DCTN6: variants seen among roughly 807,000 people sequenced by gnomAD.
The protein encoded by DCTN6 is dynactin 6.
In DCTN6, 15 loss-of-function variants were observed where a neutral mutation model predicts 25.8. The ratio of observed to expected loss-of-function variants is 0.58; its 90% confidence interval spans 0.39 to 0.89. The LOEUF (loss-of-function observed/expected upper bound fraction) is 0.89. Ranked by LOEUF, DCTN6 falls within the 40% of genes least tolerant of loss-of-function variation. The pLI is 0.00. For missense variants in DCTN6, 198 were observed against 237.6 expected (o/e 0.83, Z 1.09); for synonymous variants, 64 against 78.3 (o/e 0.82, Z 0.96).
At chr8:30,179,197 C>T (rs1234893464) in intron 4 of DCTN6, among the ~76,000 whole-genome samples, 1 of 152,034 alleles carries the variant, frequency 6.6e-6, no homozygotes, top group Admixed American at 6.6e-5. Flanking sequence ...TCTTTAAAAA[C>T]ACAAGTCATT....
chr8:30,164,471 C>T (rs563097661), intron 2 of DCTN6, among the ~76,000 whole-genome samples: 51 of 152,302 alleles, frequency 3.3e-4, no homozygotes, highest in Non-Finnish European at 4.0e-4. Flanking sequence ...GCTAGAGACA[C>T]GTCAGTAAGC....
At chr8:30,169,167 T>C (rs1803726774) in intron 2 of DCTN6, among the ~76,000 whole-genome samples, 1 of 152,200 alleles carries the variant, frequency 6.6e-6, no homozygotes, top group African/African-American at 2.4e-5. Flanking sequence ...TCCCTTTCAT[T>C]GCGGCAGTCT....
intron 1 of DCTN6, among the ~76,000 whole-genome samples, chr8:30,162,102 C>A (rs1172061708): frequency 1.4e-5 from 2 of 147,834 alleles, no homozygotes; most frequent in African/African-American, 2.5e-5. Flanking sequence ...CTTTTCTTTT[C>A]TTTTCGAGAT....
In DCTN6 at chr8:30,179,436, T is replaced by G. The variant is rs778111151; in HGVS notation, c.312T>G (p.Asn104Lys). Residue 104 changes from asparagine (N) to lysine (K), a missense_variant, in exon 5 of 7, where the codon AAT becomes AAG. Physicochemically the swap from Asn to Lys is moderately conservative, Grantham distance 94 (BLOSUM62 0). Transcript: ENST00000221114. ...CYSQAMKMGD[N>K]NVIESKAYVG... ...CCCAAGCCATGAAGATGGGAGATAATAATGTCATTGAATCAAAAGGTAAGC... is the reference window on the plus strand; with the variant it reads ...CCCAAGCCATGAAGATGGGAGATAAGAATGTCATTGAATCAAAAGGTAAGC... 6.2e-7 allele frequency: 1 copy of G among 1,612,486 alleles called. No individual in the cohort carries two copies. The highest frequency in any genetic ancestry group is 2.2e-5 in the East Asian group (1 of 44,814).
rs374152930 is a variant in DCTN6 at position 30,174,353 on chromosome 8, G to A, written c.89-732G>A. Among the ~76,000 whole-genome samples the A allele has an allele frequency of 7.3e-5, 11 of 150,072 alleles. No homozygotes were observed. The East Asian group carries it at 1.6e-3, about 21-fold the overall frequency. On this transcript the variant is annotated intron_variant, in intron 2 of 6. Coordinates refer to ENST00000221114, the MANE Select transcript of DCTN6 (RefSeq NM_006571.4). ...TCCTTTTTTTTTTTTCTTTTTTTGAGACAGGGTCTTGCTCTGTCACCCAGG... is the reference window on the plus strand; with the variant it reads ...TCCTTTTTTTTTTTTCTTTTTTTGAAACAGGGTCTTGCTCTGTCACCCAGG...
chr8:30,180,500 G>T lies in DCTN6; in HGVS notation c.344G>T (p.Arg115Ile). The change falls in exon 6 of 7, where the codon AGA (arginine) becomes ATA (isoleucine). Residue 115 changes from arginine (R) to isoleucine (I), a missense_variant. By Grantham distance (97) the Arg-to-Ile change is moderately conservative (BLOSUM62 -3). Coordinates refer to ENST00000221114, the MANE Select transcript of DCTN6 (RefSeq NM_006571.4). ...NVIESKAYVG[R>I]NVILTSGCII... ...GTTTTTATTGCAGCATATGTAGGCAGAAATGTAATATTGACAAGTGGCTGC... is the reference window on the plus strand; with the variant it reads ...GTTTTTATTGCAGCATATGTAGGCATAAATGTAATATTGACAAGTGGCTGC... 6.2e-7 allele frequency: 1 copy of T among 1,613,190 alleles called. No individual in the cohort carries two copies. The highest frequency in any genetic ancestry group is 8.5e-7 in the Non-Finnish European group (1 of 1,179,634).
chr8:30,160,740 G>A (rs997049795), intron 1 of DCTN6, among the ~76,000 whole-genome samples: 6 of 152,040 alleles, frequency 3.9e-5, no homozygotes, highest in South Asian at 2.1e-4. Flanking sequence ...GATGTGTATA[G>A]GTTTTATGCA....
Position 30,183,290 on chromosome 8 carries a change from T to C in DCTN6, c.*117T>C. 1 of 725,364 alleles carries C rather than the reference T, an allele frequency of 1.4e-6. No homozygotes were observed. Among genetic ancestry groups the C allele is most frequent in the Non-Finnish European group, 2.1e-6 (1 of 467,834 alleles). The allele number at this position is 725,364 out of a possible 1,614,324, so 44.9% of individuals were successfully genotyped here. On this transcript the variant is annotated 3_prime_UTR_variant, in exon 7 of 7. Transcript: ENST00000221114. ...AATAATACATGTTCACTTTATTTTG[T>C]AAAATTGGGTTGAGAGGAAACTAAT...
intron 2 of DCTN6, among the ~76,000 whole-genome samples, chr8:30,170,065 C>T (rs1408924124): frequency 6.6e-6 from 1 of 151,690 alleles, no homozygotes; most frequent in East Asian, 1.9e-4. Context: ...CCCAGCTACT[C>T]GGGAGGCTGA....
At chr8:30,169,344 G>C (rs1233348479) in intron 2 of DCTN6, among the ~76,000 whole-genome samples, 1 of 152,172 alleles carries the variant, frequency 6.6e-6, no homozygotes, top group African/African-American at 2.4e-5. Flanking sequence ...CACAAAGATT[G>C]CTTTCTGTGG....
intron 2 of DCTN6, among the ~76,000 whole-genome samples, chr8:30,167,725 G>T (rs1358072225): frequency 6.6e-6 from 1 of 150,398 alleles, no homozygotes; most frequent in Non-Finnish European, 1.5e-5. Flanking sequence ...TTGAGACAGA[G>T]TCTCGCTGTC....
chr8:30,165,561 T>G (rs1032359102), intron 2 of DCTN6, among the ~76,000 whole-genome samples: 1 of 151,768 alleles, frequency 6.6e-6, no homozygotes, highest in Non-Finnish European at 1.5e-5. Context: ...TTATGGAACA[T>G]TGTTAAGAAT....
rs558001181 is a variant in DCTN6, at chr8:30,179,572, A to G, written c.331+117A>G. 3.2e-5 allele frequency: 25 copies of G among 775,864 alleles called. No individual in the cohort carries two copies. The East Asian group carries it at 6.5e-4, about 20-fold the overall frequency. 48.1% of individuals were successfully genotyped at this position (775,864 alleles called of 1,614,324 possible). A position where few individuals can be genotyped will look rare whatever the true frequency, so the allele number is the denominator to read the frequency against. On this transcript the variant is annotated intron_variant, in intron 5 of 6. Transcript: ENST00000221114. ...GTGTTGTGCTTGGAAGTGGGCTACA[A>G]TAGCTGGCGAACTAATTGTTTGCCA...
chr8:30,176,935 A>G, intron 3 of DCTN6, 191 bp from the exon 4 acceptor site: 1 of 453,800 alleles, frequency 2.2e-6, no homozygotes, highest in East Asian at 4.0e-5. Flanking sequence ...AGATGGTGCC[A>G]CTGTACCAGC....
chr8:30,177,119 T>A lies in DCTN6; in HGVS notation c.195-7T>A. 1 of 1,603,662 alleles carries A rather than the reference T, an allele frequency of 6.2e-7. No individual in the cohort carries two copies. The highest frequency in any genetic ancestry group is 8.5e-7 in the Non-Finnish European group (1 of 1,175,218). On this transcript the variant is annotated splice_region_variant and splice_polypyrimidine_tract_variant and intron_variant, in intron 3 of 6. Coordinates refer to ENST00000221114, the MANE Select transcript of DCTN6 (RefSeq NM_006571.4). The stretch of plus-strand genomic sequence containing the variant: ...CTTTTTGGATGATTTGTTTCTTCTG[T>A]TTACAGTTACCCAGATAATATCACT...
At chr8:30,162,012 G>GC (rs890037779) in intron 1 of DCTN6, among the ~76,000 whole-genome samples, 2 of 151,582 alleles carry the variant, frequency 1.3e-5, no homozygotes, top group African/African-American at 4.9e-5. Context: ...CTCCCAAAGT[G>GC]CTGGGATTAC....
intron 2 of DCTN6, 63 bp downstream of exon 2, chr8:30,164,238 T>C (rs1803635696): frequency 1.7e-6 from 2 of 1,207,210 alleles, no homozygotes; most frequent in African/African-American, 3.0e-5. Context: ...TTTAGTGCTT[T>C]ACAATTAGAT....
intron 2 of DCTN6, 35 bp downstream of exon 2, chr8:30,164,210 T>A (rs761176556): frequency 1.3e-6 from 2 of 1,506,770 alleles, no homozygotes; most frequent in East Asian, 2.3e-5. Context: ...TTTCAAGAAT[T>A]GATGTGATTT....
In DCTN6 at chr8:30,179,411, C is replaced by T. The variant is rs1803884653; in HGVS notation, c.287C>T (p.Ser96Phe). Reference sequence around the variant, plus strand: ...TTTACCTAACTCTGGCTTACAGATTCCCAAGCCATGAAGATGGGAGATAAT... The same window carrying T: ...TTTACCTAACTCTGGCTTACAGATTTCCAAGCCATGAAGATGGGAGATAAT... ...TNNVFEVGCY[S>F]QAMKMGDNNV... Residue 96 changes from serine (S) to phenylalanine (F), a missense_variant, in exon 5 of 7, where the codon TCC becomes TTC. By Grantham distance (155) the Ser-to-Phe change is radical (BLOSUM62 -2). Coordinates refer to ENST00000221114, the MANE Select transcript of DCTN6 (RefSeq NM_006571.4). The T allele has an allele frequency of 1.2e-6, 2 of 1,611,192 alleles. No individual in the cohort carries two copies. The highest frequency in any genetic ancestry group is 2.7e-5 in the African/African-American group (2 of 74,800).
Sources: allele counts gnomAD v4.1 joint callset (sites outside exome capture counted in the v4.1 genomes callset), GRCh38; gene constraint gnomAD v4.1.1; transcripts MANE v1.5; gene names NCBI Gene and HGNC (gene_info 2026-07-23, HGNC 2026-07-21).